Variants in TAB2 observed in about 807,000 individuals in gnomAD.
TAB2 encodes TGF-beta activated kinase 1 (MAP3K7) binding protein 2.
Under a neutral mutation model 65.0 loss-of-function variants are expected in TAB2, and 3 were observed. The ratio of observed to expected loss-of-function variants is 0.05; its 90% confidence interval spans 0.02 to 0.12. TAB2 has a LOEUF of 0.12. Ranked by LOEUF, TAB2 falls within the 10% of genes least tolerant of loss-of-function variation. The pLI is 1.00. For synonymous variants in TAB2, 298 were observed against 285.1 expected, an observed-to-expected ratio of 1.05 and a Z score of -0.46; for missense variants, 623 against 840.3, an observed-to-expected ratio of 0.74 and a Z score of 3.20.
At chr6:149,259,824 T>A (rs1778115807) in intron 1 of TAB2, among the ~76,000 whole-genome samples, 1 of 152,194 alleles carries the variant, frequency 6.6e-6, no homozygotes, top group South Asian at 2.1e-4. Context: ...CTTCCACTCA[T>A]CAGTGTCAGA....
intron 1 of TAB2, among the ~76,000 whole-genome samples, chr6:149,325,560 T>C (rs1310893133): frequency 6.6e-6 from 1 of 152,182 alleles, no homozygotes; most frequent in Non-Finnish European, 1.5e-5. Flanking sequence ...CCTGTTCCTG[T>C]GGGAAAAGCT....
At chr6:149,338,207 A>G (rs1254320593) in intron 1 of TAB2, among the ~76,000 whole-genome samples, 5 of 152,198 alleles carry the variant, frequency 3.3e-5, no homozygotes, top group Admixed American at 6.5e-5. Flanking sequence ...ATTCACAGTA[A>G]GTGGGCTAAA....
intron 1 of TAB2, chr6:149,342,644 G>A (rs922341022): frequency 3.3e-5 from 5 of 152,066 alleles, no homozygotes; most frequent in Non-Finnish European, 7.4e-5. Flanking sequence ...TTCTTGTTCT[G>A]CCTACCTCTA....
chr6:149,389,826 CTTAA>C (rs2114921222), intron 3 of TAB2, among the ~76,000 whole-genome samples: 1 of 152,224 alleles, frequency 6.6e-6, no homozygotes, highest in South Asian at 2.1e-4. Context: ...CATGCAGAAT[CTTAA>C]TTATGTAAAA....
chr6:149,405,325 G>A (rs1336965751), intron 6 of TAB2, among the ~76,000 whole-genome samples: 2 of 152,214 alleles, frequency 1.3e-5, no homozygotes, highest in Non-Finnish European at 1.5e-5. Context: ...GGGAATGTAA[G>A]CTGGTGCAGC....
At chr6:149,309,644 A>G (rs112638586) in intron 1 of TAB2, among the ~76,000 whole-genome samples, 9,573 of 150,634 alleles carry the variant, frequency 0.064, 961 homozygotes, top group African/African-American at 0.22. Context: ...TGATCCACCC[A>G]CCTTGGCCTC....
intron 1 of TAB2, chr6:149,257,525 G>A (rs1778063079): frequency 6.6e-6 from 1 of 152,148 alleles, no homozygotes; most frequent in Non-Finnish European, 1.5e-5. Flanking sequence ...GAAGTAGGGT[G>A]GCCTGCCAGG....
intron 1 of TAB2, among the ~76,000 whole-genome samples, chr6:149,265,031 G>A (rs966288161): frequency 2.3e-4 from 35 of 151,752 alleles, no homozygotes; most frequent in Non-Finnish European, 4.6e-4. Flanking sequence ...TGGGAATTTA[G>A]GATATACTCA....
At chr6:149,261,038 T>C (rs1778143082) in intron 1 of TAB2, among the ~76,000 whole-genome samples, 1 of 152,230 alleles carries the variant, frequency 6.6e-6, no homozygotes, top group Admixed American at 6.5e-5. Context: ...TCTTTCTAAT[T>C]AGAAAGATCA....
intron 1 of TAB2, among the ~76,000 whole-genome samples, chr6:149,361,553 T>C (rs1459015556): frequency 2.0e-5 from 3 of 152,162 alleles, no homozygotes; most frequent in African/African-American, 7.2e-5. Context: ...CAAAGATCTC[T>C]GAAATGTCTT....
At chr6:149,312,452 T>C (rs1425621154) in intron 1 of TAB2, among the ~76,000 whole-genome samples, 1 of 152,172 alleles carries the variant, frequency 6.6e-6, no homozygotes, top group Admixed American at 6.5e-5. Flanking sequence ...AACCTCAGCC[T>C]CCCGGGTTCA....
chr6:149,265,714 G>T (rs144281656), intron 1 of TAB2, among the ~76,000 whole-genome samples: 8 of 152,284 alleles, frequency 5.3e-5, no homozygotes, highest in Middle Eastern at 3.4e-3. Flanking sequence ...TAAGACTGGG[G>T]TTCAACGCCA....
intron 1 of TAB2, among the ~76,000 whole-genome samples, chr6:149,290,610 A>T (rs1322398940): frequency 6.6e-6 from 1 of 152,100 alleles, no homozygotes; most frequent in Non-Finnish European, 1.5e-5. Flanking sequence ...CTGGGAGGCC[A>T]AGGTGGGTGG....
intron 1 of TAB2, among the ~76,000 whole-genome samples, chr6:149,294,905 A>G (rs767217653): frequency 6.6e-5 from 10 of 152,236 alleles, no homozygotes; most frequent in Non-Finnish European, 1.3e-4. Flanking sequence ...TTGAAAAACC[A>G]TAAAATGTTA....
intron 2 of TAB2, among the ~76,000 whole-genome samples, chr6:149,374,430 C>T (rs978274556): frequency 2.6e-5 from 4 of 152,060 alleles, no homozygotes; most frequent in African/African-American, 7.3e-5. Context: ...ACTATGTTGC[C>T]CAGTCTGGTG....
chr6:149,375,267 A>T (rs983212943), intron 2 of TAB2, among the ~76,000 whole-genome samples: 1 of 152,156 alleles, frequency 6.6e-6, no homozygotes, highest in Non-Finnish European at 1.5e-5. Context: ...TCTTTTATAT[A>T]TGTTTAAAAT....
chr6:149,260,518 A>T (rs895875919), intron 1 of TAB2, among the ~76,000 whole-genome samples: 1 of 152,242 alleles, frequency 6.6e-6, no homozygotes, highest in Non-Finnish European at 1.5e-5. Flanking sequence ...GCCCATCTTT[A>T]GGAAGCCCCA....
chr6:149,402,048 G>T (rs566986329), intron 6 of TAB2, among the ~76,000 whole-genome samples: 1 of 141,782 alleles, frequency 7.1e-6, no homozygotes, highest in South Asian at 2.2e-4. Context: ...ACCAGTAGAA[G>T]AACAACAAGC....
chr6:149,370,311 G>A (rs1781179950), intron 2 of TAB2, among the ~76,000 whole-genome samples: 2 of 152,178 alleles, frequency 1.3e-5, no homozygotes, highest in Non-Finnish European at 2.9e-5. Context: ...TTGTAGAGTA[G>A]ATGTGAGAGT....
Sources: allele counts gnomAD v4.1 joint callset (sites outside exome capture counted in the v4.1 genomes callset), GRCh38; gene constraint gnomAD v4.1.1; transcripts MANE v1.5; gene names NCBI Gene and HGNC (gene_info 2026-07-23, HGNC 2026-07-21).